VSTM2A: variants seen among roughly 807,000 people sequenced by gnomAD.
VSTM2A encodes the protein V-set and transmembrane domain-containing protein 2A.
VSTM2A carries 13 observed loss-of-function variants against 27.3 expected under a neutral mutation model. The observed-to-expected ratio is 0.48, with a 90% CI of 0.31 to 0.76. The LOEUF is 0.76. VSTM2A is among the 30% of genes least tolerant of loss of function. VSTM2A has a pLI of 0.05. For missense variants in VSTM2A, 280 were observed against 310.0 expected (o/e 0.90, Z 0.73); for synonymous variants, 142 against 125.7 (o/e 1.13, Z -0.87).
chr7:54,543,087 GCTTT>G (rs1031583849), intron 1 of VSTM2A, among the ~76,000 whole-genome samples: 1 of 152,116 alleles, frequency 6.6e-6, no homozygotes, highest in East Asian at 1.9e-4. Context: ...GTGTGTGTGT[GCTTT>G]CTATCTGTGT....
chr7:54,542,813 A>T lies in VSTM2A; in HGVS notation c.79+4A>T, dbSNP rs1377665831. The T allele has an allele frequency of 6.2e-7, 1 of 1,613,102 alleles. No homozygotes were observed. The highest frequency in any genetic ancestry group is 1.7e-5 in the Admixed American group (1 of 59,880). On this transcript the variant is annotated splice_donor_region_variant and intron_variant, in intron 1 of 4. Transcript: ENST00000402613. ...CAACAAGGGCTTTCTTCTCAAGGTA[A>T]GTCTTGCTCAATGGCAAATATACAT...
At chr7:54,543,932 A>T (rs1219896211) in intron 1 of VSTM2A, among the ~76,000 whole-genome samples, 1 of 152,256 alleles carries the variant, frequency 6.6e-6, no homozygotes, top group Non-Finnish European at 1.5e-5. Flanking sequence ...GCTGAGAAAC[A>T]TCTCCATAGT....
In VSTM2A at chr7:54,545,111, TC is replaced by T. The variant is rs373447950; in HGVS notation, c.246+325del. 6.8e-3 allele frequency among the ~76,000 whole-genome samples: 1,037 copies of T among 152,000 alleles called. 11 individuals carry two copies. The highest frequency in any genetic ancestry group is 0.024 in the African/African-American group (980 of 41,488). ...ATCCCGGGACATCCGGGAGCCCCTT[TC>T]CAGGACGAAAGGAGGGGGAGGGGAA... On this transcript the variant is annotated intron_variant, in intron 2 of 4. Coordinates refer to ENST00000402613, the MANE Select transcript of VSTM2A (RefSeq NM_001301009.2).
intron 4 of VSTM2A, chr7:54,553,775 A>C: frequency 6.6e-7 from 1 of 1,509,888 alleles, no homozygotes; most frequent in Non-Finnish European, 8.9e-7. Flanking sequence ...CCCTCTTCGC[A>C]GAGAACACAG....
At chr7:54,565,815 C>T (rs140686120) in intron 4 of VSTM2A, among the ~76,000 whole-genome samples, 6 of 152,284 alleles carry the variant, frequency 3.9e-5, no homozygotes, top group Middle Eastern at 3.4e-3. Context: ...TGAAATCATA[C>T]GATAGTGAAG....
At chr7:54,549,058 T>G (rs1190936062) in intron 3 of VSTM2A, among the ~76,000 whole-genome samples, 1 of 150,764 alleles carries the variant, frequency 6.6e-6, no homozygotes, top group Non-Finnish European at 1.5e-5. Context: ...CTAATATATA[T>G]ATCAGATATA....
chr7:54,549,944 G>A lies in VSTM2A; in HGVS notation c.408G>A (p.Glu136=). The change falls in exon 4 of 5, where the codon GAG becomes GAA. Residue 136 remains glutamate, a synonymous_variant. Coordinates refer to ENST00000402613, the MANE Select transcript of VSTM2A (RefSeq NM_001301009.2). ...ECRVTDANYG[E]LQEHKAQAYL... Reference sequence around the variant, plus strand: ...GGGTGACTGATGCCAACTACGGGGAGCTTCAGGAACACAAGGCCCAGGCCT... The same window carrying A: ...GGGTGACTGATGCCAACTACGGGGAACTTCAGGAACACAAGGCCCAGGCCT... 6.2e-7 allele frequency: 1 copy of A among 1,613,802 alleles called. No homozygotes were observed. The highest frequency in any genetic ancestry group is 8.5e-7 in the Non-Finnish European group (1 of 1,179,808).
At chr7:54,545,169 C>A (rs948802066) in intron 2 of VSTM2A, among the ~76,000 whole-genome samples, 4 of 151,904 alleles carry the variant, frequency 2.6e-5, no homozygotes, top group African/African-American at 9.7e-5. Flanking sequence ...CCACCCCACC[C>A]CCTCTCCCTT....
At chr7:54,559,954 A>G (rs1191205427) in intron 4 of VSTM2A, 2 of 152,176 alleles carry the variant, frequency 1.3e-5, no homozygotes, top group African/African-American at 2.4e-5. Flanking sequence ...GAAAAAAAGA[A>G]AATGTACAGC....
intron 4 of VSTM2A, among the ~76,000 whole-genome samples, chr7:54,563,677 T>C (rs1275831301): frequency 6.6e-6 from 1 of 152,126 alleles, no homozygotes; most frequent in African/African-American, 2.4e-5. Context: ...AGACCTGCGT[T>C]CGTGGGCAAC....
Position 54,542,704 on chromosome 7 carries a change from C to T in VSTM2A, c.-27C>T. ...CAGGGCTTTTCGGCTGTTGGCTACA[C>T]TGATGTGACCCCCCTCCCTTTTTGG... is the stretch of plus-strand genomic sequence containing the variant. On this transcript the variant is annotated 5_prime_UTR_variant, in exon 1 of 5. Coordinates refer to ENST00000402613, the MANE Select transcript of VSTM2A (RefSeq NM_001301009.2). The T allele has an allele frequency of 6.2e-7, 1 of 1,610,088 alleles. No individual in the cohort carries two copies. Among genetic ancestry groups the T allele is most frequent in the Middle Eastern group, 1.7e-4 (1 of 6,048 alleles).
At chr7:54,544,423 T>C (rs946333646) in intron 1 of VSTM2A, among the ~76,000 whole-genome samples, 199 bp from the exon 2 acceptor site, 1 of 152,086 alleles carries the variant, frequency 6.6e-6, no homozygotes, top group African/African-American at 2.4e-5. Context: ...ATCAACAACA[T>C]AGTGATTTAG....
chr7:54,546,203 G>A (rs1473655316), intron 2 of VSTM2A: 1 of 152,812 alleles, frequency 6.5e-6, no homozygotes, highest in African/African-American at 2.4e-5. Context: ...GAGAGGAAGC[G>A]AGGAGAGAAG....
At chr7:54,565,143 T>C (rs567969943) in intron 4 of VSTM2A, among the ~76,000 whole-genome samples, 1 of 137,614 alleles carries the variant, frequency 7.3e-6, no homozygotes, top group Admixed American at 7.4e-5. Flanking sequence ...TTGCCTCAGG[T>C]GGTTTCCGAA....
intron 4 of VSTM2A, 169 bp from the exon 5 acceptor site, chr7:54,568,962 G>T (rs1403952443): frequency 1.3e-6 from 2 of 1,556,234 alleles, no homozygotes; most frequent in Non-Finnish European, 1.7e-6. Context: ...AATAAGGAGC[G>T]TTGGAAATCT....
intron 4 of VSTM2A, among the ~76,000 whole-genome samples, chr7:54,553,481 G>T (rs1241553849): frequency 6.6e-6 from 1 of 152,034 alleles, no homozygotes; most frequent in Non-Finnish European, 1.5e-5. Flanking sequence ...GGCTCTATTT[G>T]CAAGAAGCTT....
At chr7:54,552,443 A>G (rs748262151) in intron 4 of VSTM2A, 1 of 152,176 alleles carries the variant, frequency 6.6e-6, no homozygotes, top group Non-Finnish European at 1.5e-5. Context: ...GGATATTTAT[A>G]TATTATATTC....
chr7:54,563,194 G>A (rs1236018052), intron 4 of VSTM2A, among the ~76,000 whole-genome samples: 2 of 152,064 alleles, frequency 1.3e-5, no homozygotes, highest in Non-Finnish European at 2.9e-5. Context: ...TCAGATATGA[G>A]GAATTGCCAG....
At chr7:54,566,216 T>A (rs935594361) in intron 4 of VSTM2A, among the ~76,000 whole-genome samples, 2 of 152,242 alleles carry the variant, frequency 1.3e-5, no homozygotes, top group Non-Finnish European at 2.9e-5. Context: ...CCTCTCTTCA[T>A]CTAGACCTGC....
Sources: allele counts gnomAD v4.1 joint callset (sites outside exome capture counted in the v4.1 genomes callset), GRCh38; gene constraint gnomAD v4.1.1; transcripts MANE v1.5; gene names NCBI Gene and HGNC (gene_info 2026-07-23, HGNC 2026-07-21).